The following P2RX2 variants were observed in gnomAD, a reference collection of about 807,000 sequenced individuals.
The protein encoded by P2RX2 is P2X purinoceptor 2.
P2RX2 carries 50 observed loss-of-function variants against 54.8 expected under a neutral mutation model. The ratio of observed to expected loss-of-function variants is 0.91; its 90% CI spans 0.73 to 1.15. The LOEUF (loss-of-function observed/expected upper bound fraction) is 1.15. Ranked by LOEUF, P2RX2 falls within the 50% of genes most tolerant of loss-of-function variation. The pLI, the probability that P2RX2 is intolerant of heterozygous loss-of-function variation, is 0.00. For synonymous variants in P2RX2, 289 were observed against 259.4 expected, an observed-to-expected ratio of 1.11 and a Z score of -1.09; for missense variants, 658 against 633.2, an observed-to-expected ratio of 1.04 and a Z score of -0.42.
chr12:132,618,936 C>G lies in P2RX2; in HGVS notation c.120C>G (p.Arg40=). 3.0e-6 allele frequency: 4 copies of G among 1,327,186 alleles called. No homozygotes were observed. The highest frequency in any genetic ancestry group is 3.9e-6 in the Non-Finnish European group (4 of 1,030,760). The allele number at this position is 1,327,186 out of a possible 1,614,324, so 82.2% of individuals were successfully genotyped here. ...AGGTGATCGTGGTGAGGAACCGGCG[C>G]CTGGGGGTCCTGTACCGCGCCGTGC... ...TPKVIVVRNR[R]LGVLYRAVQL... is the part of the protein sequence containing the mutation. Residue 40 remains arginine, a synonymous_variant, in exon 1 of 11, where the codon CGC becomes CGG. Transcript: ENST00000643471.
chr12:132,620,178 G>C, intron 5 of P2RX2, 82 bp downstream of exon 5: 4 of 1,497,160 alleles, frequency 2.7e-6, no homozygotes, highest in Non-Finnish European at 3.7e-6. Flanking sequence ...CGGGGCAGGA[G>C]TGACAAGATC....
chr12:132,621,495 T>A lies in P2RX2; in HGVS notation c.1017T>A (p.Ile339=). Residue 339 remains isoleucine, a synonymous_variant, in exon 10 of 11, where the codon ATT becomes ATA. Transcript: ENST00000643471. ...CCCAGGCCGGGAAGTTCAGCCTGAT[T>A]CCCACCATTATTAATCTGGCCACAG... The part of the protein sequence containing the change: ...VHGQAGKFSL[I]PTIINLATAL... The A allele has an allele frequency of 6.4e-7, 1 of 1,562,926 alleles. No individual in the cohort carries two copies. The highest frequency in any genetic ancestry group is 8.7e-7 in the Non-Finnish European group (1 of 1,152,980).
At position 132,621,736 on chromosome 12, in the gene P2RX2, ACCCTTG is replaced by A; in HGVS notation, c.1184_1189del (p.Leu395_Ala396del). 1 of 1,609,946 alleles carries A rather than the reference ACCCTTG, an allele frequency of 6.2e-7. No individual in the cohort carries two copies. The highest frequency in any genetic ancestry group is 8.5e-7 in the Non-Finnish European group (1 of 1,177,780). On this transcript the variant is annotated inframe_deletion, in exon 11 of 11. Coordinates refer to ENST00000643471, the MANE Select transcript of P2RX2 (RefSeq NM_170682.4). ...CCACCCCTCAGGTAGCTGGCCTGTG[ACCCTTG>A]CCCGTGTATTGGGCCAGGCCCCTCC...
At position 132,621,613 on chromosome 12, in the gene P2RX2, C is replaced by T; in HGVS notation, c.1063-6C>T. ...GCCCTTACACACCGGTCTCTGCTGG[C>T]CCCAGGGCTCCTTCCTGTGCGACTG... On this transcript the variant is annotated splice_polypyrimidine_tract_variant and splice_region_variant and intron_variant, in intron 10 of 10. Coordinates refer to ENST00000643471, the MANE Select transcript of P2RX2 (RefSeq NM_170682.4). 1.2e-6 allele frequency: 2 copies of T among 1,612,658 alleles called. No homozygotes were observed. Among genetic ancestry groups the T allele is most frequent in the East Asian group, 2.2e-5 (1 of 44,872 alleles).
chr12:132,622,081 G>C lies in P2RX2; in HGVS notation c.*109G>C. On this transcript the variant is annotated 3_prime_UTR_variant, in exon 11 of 11. Transcript: ENST00000643471. ...CACCTCAGTAGCGGAGCATCTCCACGAAACGGGGCACCACAGGATCCCTGT... is the reference window on the plus strand; with the variant it reads ...CACCTCAGTAGCGGAGCATCTCCACCAAACGGGGCACCACAGGATCCCTGT... The C allele has an allele frequency of 6.4e-7, 1 of 1,552,412 alleles. No individual in the cohort carries two copies. Among genetic ancestry groups the C allele is most frequent in the Admixed American group, 1.9e-5 (1 of 53,390 alleles).
chr12:132,620,179 T>G (rs1593673796), intron 5 of P2RX2, 83 bp downstream of exon 5: 3 of 1,484,972 alleles, frequency 2.0e-6, no homozygotes, highest in East Asian at 2.3e-5. Context: ...GGGGCAGGAG[T>G]GACAAGATCT....
Position 132,620,583 on chromosome 12 carries a change from G to C in P2RX2, c.774G>C (p.Lys258Asn). The C allele has an allele frequency of 6.2e-7, 1 of 1,612,550 alleles. No individual in the cohort carries two copies. Among genetic ancestry groups the C allele is most frequent in the Non-Finnish European group, 8.5e-7 (1 of 1,179,994 alleles). The change falls in exon 7 of 11, where the codon AAG (lysine) becomes AAC (asparagine). Residue 258 changes from lysine to asparagine, a missense_variant and splice_region_variant. Lys to Asn is a moderately conservative substitution (Grantham distance 94, BLOSUM62 0). Transcript: ENST00000643471. ...AGESFTELAH[K>N]GGVIGVIINW... The stretch of plus-strand genomic sequence containing the variant: ...AGAGCTTCACAGAGCTCGCACACAA[G>C]GCAGGGCAAGCGCAGGCAGGGTGGG...
At chr12:132,620,721 G>A (rs1007084544) in intron 7 of P2RX2, 138 bp downstream of exon 7, 14 of 1,098,214 alleles carry the variant, frequency 1.3e-5, no homozygotes, top group Admixed American at 9.3e-5. Context: ...TGCGATCAGC[G>A]CAACCCATCC....
chr12:132,619,400 C>G, intron 1 of P2RX2, 39 bp from the exon 2 acceptor site: 1 of 1,609,458 alleles, frequency 6.2e-7, no homozygotes, highest in Non-Finnish European at 8.5e-7. Flanking sequence ...TCAGCCTTCC[C>G]AGGGTCGCCT....
In P2RX2 at chr12:132,619,871, C is replaced by T. The variant is rs1566292794; in HGVS notation, c.409C>T (p.Leu137Phe). Reference sequence around the variant, plus strand: ...CATAAGGGTCCACAACGCCACCTGCCTCTCCGACGCCGACTGCGTGGCTGG... The same window carrying T: ...CATAAGGGTCCACAACGCCACCTGCTTCTCCGACGCCGACTGCGTGGCTGG... ...ESIRVHNATC[L>F]SDADCVAGEL... The change falls in exon 4 of 11, where the codon CTC (leucine) becomes TTC (phenylalanine). Residue 137 changes from leucine to phenylalanine, a missense_variant. Coordinates refer to ENST00000643471, the MANE Select transcript of P2RX2 (RefSeq NM_170682.4). 3.1e-6 allele frequency: 5 copies of T among 1,612,080 alleles called. No individual in the cohort carries two copies. The East Asian group carries it at 6.7e-5, about 22-fold the overall frequency.
At position 132,622,314 on chromosome 12, in the gene P2RX2, T is replaced by C; in HGVS notation, c.*342T>C. 2.2e-6 allele frequency: 2 copies of C among 913,754 alleles called. No individual in the cohort carries two copies. The highest frequency in any genetic ancestry group is 2.8e-6 in the Non-Finnish European group (2 of 703,342). The allele number at this position is 913,754 out of a possible 1,614,324, so 56.6% of individuals were successfully genotyped here. A position where few individuals can be genotyped will look rare whatever the true frequency, so the allele number is the denominator to read the frequency against. On this transcript the variant is annotated 3_prime_UTR_variant, in exon 11 of 11. Transcript: ENST00000643471. ...CCCACCCCACCCCACCCCACAGGCG[T>C]TGTAACCTTGAATCTGCCCAGACTC...
Position 132,621,531 on chromosome 12 carries a change from C to A in P2RX2, c.1053C>A (p.Ser351=). ...TIINLATALT[S]VGVGSFLCDW... is the part of the protein sequence containing the mutation. ...TTAATCTGGCCACAGCTCTGACTTC[C>A]GTCGGGGTGGTAAGGAACCCTCTCT... The change falls in exon 10 of 11, where the codon TCC becomes TCA. Residue 351 remains serine, a synonymous_variant. Transcript: ENST00000643471. 6.4e-7 allele frequency: 1 copy of A among 1,571,244 alleles called. No individual in the cohort carries two copies. Among genetic ancestry groups the A allele is most frequent in the Non-Finnish European group, 8.6e-7 (1 of 1,156,866 alleles).
chr12:132,621,652 T>G lies in P2RX2; in HGVS notation c.1096T>G (p.Phe366Val). 7 of 1,613,778 alleles carry G rather than the reference T, an allele frequency of 4.3e-6. No individual in the cohort carries two copies. The highest frequency in any genetic ancestry group is 5.9e-6 in the Non-Finnish European group (7 of 1,179,858). The change falls in exon 11 of 11, where the codon TTC becomes GTC. Residue 366 changes from phenylalanine (F) to valine (V), a missense_variant. Physicochemically the swap from Phe to Val is conservative, Grantham distance 50. Transcript: ENST00000643471. Reference sequence around the variant, plus strand: ...CCTGTGCGACTGGATCTTGCTAACATTCATGAACAAAAACAAGGTCTACAG... The same window carrying G: ...CCTGTGCGACTGGATCTTGCTAACAGTCATGAACAAAAACAAGGTCTACAG... ...SFLCDWILLT[F>V]MNKNKVYSHK...
In P2RX2 at chr12:132,620,070, C is replaced by T. The variant is rs1331378598; in HGVS notation, c.528C>T (p.Cys176=). The change falls in exon 5 of 11, where the codon TGC becomes TGT. Residue 176 remains cysteine (C), a synonymous_variant. Coordinates refer to ENST00000643471, the MANE Select transcript of P2RX2 (RefSeq NM_170682.4). ...AGACCTGCGAGGTGTTCGGCTGGTGCCCGGTGGAAGATGGGGCCTCTGTCA... is the reference window on the plus strand; with the variant it reads ...AGACCTGCGAGGTGTTCGGCTGGTGTCCGGTGGAAGATGGGGCCTCTGTCA... The part of the protein sequence containing the change: ...PSKTCEVFGW[C]PVEDGASVSQ... 2 of 1,585,870 alleles carry T rather than the reference C, an allele frequency of 1.3e-6. No individual in the cohort carries two copies. The highest frequency in any genetic ancestry group is 1.2e-5 in the South Asian group (1 of 86,848).
rs1340959639 is a variant in P2RX2, at chr12:132,618,942, G to C, written c.126G>C (p.Gly42=). The C allele has an allele frequency of 4.6e-6, 6 of 1,318,598 alleles. No individual in the cohort carries two copies. Among genetic ancestry groups the C allele is most frequent in the Middle Eastern group, 2.1e-4 (1 of 4,850 alleles). 81.7% of individuals were successfully genotyped at this position (1,318,598 alleles called of 1,614,324 possible). A position where few individuals can be genotyped will look rare whatever the true frequency, so the allele number is the denominator to read the frequency against. ...KVIVVRNRRL[G]VLYRAVQLLI... ...TCGTGGTGAGGAACCGGCGCCTGGG[G>C]GTCCTGTACCGCGCCGTGCAGCTGC... Residue 42 remains glycine (G), a synonymous_variant, in exon 1 of 11, where the codon GGG becomes GGC. Coordinates refer to ENST00000643471, the MANE Select transcript of P2RX2 (RefSeq NM_170682.4).
chr12:132,619,599 C>T, intron 2 of P2RX2, 25 bp downstream of exon 2: 1 of 1,600,244 alleles, frequency 6.2e-7, no homozygotes, highest in South Asian at 1.1e-5. Flanking sequence ...CTGCCCCCCG[C>T]CCCGCCGTGC....
chr12:132,622,357 A>C lies in P2RX2; in HGVS notation c.*385A>C. 2.4e-6 allele frequency: 1 copy of C among 419,810 alleles called. No homozygotes were observed. The highest frequency in any genetic ancestry group is 4.8e-5 in the Admixed American group (1 of 20,768). 26.0% of individuals were successfully genotyped at this position (419,810 alleles called of 1,614,324 possible). On this transcript the variant is annotated 3_prime_UTR_variant, in exon 11 of 11. Coordinates refer to ENST00000643471, the MANE Select transcript of P2RX2 (RefSeq NM_170682.4). ...CCAGACTCTTCCCTTAGAAGTCACA[A>C]CATACTCAGTCCAATAAACCTGTGA...
In P2RX2 at chr12:132,620,505, C is replaced by T. The variant is rs752615807; in HGVS notation, c.696C>T (p.Ser232=). 8 of 1,614,000 alleles carry T rather than the reference C, an allele frequency of 5.0e-6. No individual in the cohort carries two copies. In the East Asian group the frequency reaches 6.7e-5, roughly 13 times the overall value. Residue 232 remains serine, a synonymous_variant, in exon 7 of 11, where the codon TCC becomes TCT. Coordinates refer to ENST00000643471, the MANE Select transcript of P2RX2 (RefSeq NM_170682.4). ...YLKRCTFHEA[S]DLYCPIFKLG... ...AGCGCTGCACGTTCCACGAGGCCTC[C>T]GACCTCTACTGCCCCATCTTCAAGC... is the stretch of plus-strand genomic sequence containing the variant.
chr12:132,620,714 G>A (rs1382842835), intron 7 of P2RX2, 131 bp downstream of exon 7: 7 of 1,117,334 alleles, frequency 6.3e-6, no homozygotes, highest in East Asian at 4.8e-5. Flanking sequence ...AAAGAAATGC[G>A]ATCAGCGCAA....
Sources: gnomAD v4.1 joint callset for allele counts on GRCh38, gnomAD v4.1.1 for gene constraint, MANE v1.5 for transcripts, NCBI Gene and HGNC (gene_info 2026-07-23, HGNC 2026-07-21) for gene names.